CERS6: variants seen among roughly 807,000 people sequenced by gnomAD.
CERS6 encodes ceramide synthase 6, also known as LAG1 homolog, ceramide synthase 6.
A neutral mutation model predicts 56.8 loss-of-function variants in CERS6; 26 were observed. The ratio of observed to expected loss-of-function variants is 0.46; its 90% CI spans 0.34 to 0.63. The LOEUF (loss-of-function observed/expected upper bound fraction) is 0.63. Ranked by LOEUF, CERS6 falls within the 30% of genes least tolerant of loss-of-function variation. The pLI is 0.01. For synonymous variants in CERS6, 164 were observed against 173.3 expected (o/e 0.95, Z 0.42); for missense variants, 415 against 467.5 (o/e 0.89, Z 1.04).
At chr2:168,760,014 G>A (rs540501581) in intron 8 of CERS6, among the ~76,000 whole-genome samples, 7 of 151,728 alleles carry the variant, frequency 4.6e-5, no homozygotes, top group African/African-American at 1.2e-4. Context: ...TATATGGCTC[G>A]ATAAATTTGT....
intron 1 of CERS6, among the ~76,000 whole-genome samples, chr2:168,506,424 C>G (rs914109587): frequency 1.3e-5 from 2 of 152,152 alleles, no homozygotes; most frequent in African/African-American, 4.8e-5. Flanking sequence ...AGATCAGTGT[C>G]CAGGTGTGTC....
chr2:168,492,796 A>C (rs1198582344), intron 1 of CERS6, among the ~76,000 whole-genome samples: 1 of 152,104 alleles, frequency 6.6e-6, no homozygotes, highest in East Asian at 1.9e-4. Context: ...AGGAATATGT[A>C]GTTAAAATTA....
At chr2:168,636,007 A>G (rs1016076663) in intron 4 of CERS6, among the ~76,000 whole-genome samples, 2 of 152,228 alleles carry the variant, frequency 1.3e-5, no homozygotes, top group African/African-American at 4.8e-5. Context: ...ATATGAGTCC[A>G]TTTAAGATTT....
chr2:168,742,658 C>T (rs1683950276), intron 8 of CERS6, among the ~76,000 whole-genome samples: 1 of 152,136 alleles, frequency 6.6e-6, no homozygotes, highest in African/African-American at 2.4e-5. Context: ...ATAAAGAGGC[C>T]AGGCAGAGGG....
chr2:168,645,805 T>C (rs1028574393), intron 4 of CERS6, among the ~76,000 whole-genome samples: 5 of 152,268 alleles, frequency 3.3e-5, no homozygotes, highest in Non-Finnish European at 5.9e-5. Flanking sequence ...GTTTTCTGTT[T>C]CTGTGTTAGT....
At chr2:168,542,666 A>T (rs1279800734) in intron 1 of CERS6, among the ~76,000 whole-genome samples, 1 of 152,152 alleles carries the variant, frequency 6.6e-6, no homozygotes, top group Admixed American at 6.6e-5. Flanking sequence ...TTCATTGAGT[A>T]CAAGGTTCAT....
intron 3 of CERS6, among the ~76,000 whole-genome samples, chr2:168,603,255 A>G (rs1308568935): frequency 6.6e-6 from 1 of 152,162 alleles, no homozygotes; most frequent in African/African-American, 2.4e-5. Flanking sequence ...CTCTCCTTTC[A>G]TATTTGAACA....
At chr2:168,713,898 A>T (rs953467477) in intron 6 of CERS6, among the ~76,000 whole-genome samples, 2 of 152,192 alleles carry the variant, frequency 1.3e-5, no homozygotes, top group Non-Finnish European at 2.9e-5. Flanking sequence ...CGAGATGCAC[A>T]TTCCAAGAAA....
At chr2:168,691,138 T>G in intron 5 of CERS6, 54 bp downstream of exon 5, 5 of 1,542,964 alleles carry the variant, frequency 3.2e-6, no homozygotes, top group Non-Finnish European at 3.6e-6. Flanking sequence ...CTACCTTCGG[T>G]CAATTTCATG....
chr2:168,676,398 C>G (rs1214991559), intron 4 of CERS6, among the ~76,000 whole-genome samples: 1 of 152,122 alleles, frequency 6.6e-6, no homozygotes, highest in Non-Finnish European at 1.5e-5. Context: ...CAAGTGTTTA[C>G]ACATGTCATT....
At chr2:168,634,424 G>T (rs962369815) in intron 4 of CERS6, among the ~76,000 whole-genome samples, 9 of 151,974 alleles carry the variant, frequency 5.9e-5, no homozygotes, top group African/African-American at 2.2e-4. Flanking sequence ...TTGTTTGTTT[G>T]TTTTTTGAGA....
At chr2:168,498,937 G>A (rs1386840353) in intron 1 of CERS6, among the ~76,000 whole-genome samples, 5 of 152,140 alleles carry the variant, frequency 3.3e-5, no homozygotes, top group African/African-American at 9.7e-5. Flanking sequence ...CGTTATGACC[G>A]TGAACTTAGT....
At chr2:168,633,162 C>G (rs1574115511) in intron 4 of CERS6, among the ~76,000 whole-genome samples, 1 of 139,022 alleles carries the variant, frequency 7.2e-6, no homozygotes, top group Non-Finnish European at 1.6e-5. Flanking sequence ...ATAACAAATG[C>G]TTTTTTTTTT....
chr2:168,635,959 A>G (rs750898315), intron 4 of CERS6, among the ~76,000 whole-genome samples: 4 of 152,060 alleles, frequency 2.6e-5, no homozygotes, highest in Non-Finnish European at 4.4e-5. Context: ...TTTTTTGCCT[A>G]TTTTGAGACT....
chr2:168,546,355 C>T lies in CERS6; in HGVS notation c.171-1241C>T, dbSNP rs115376182. On this transcript the variant is annotated intron_variant, in intron 1 of 9. Coordinates refer to ENST00000305747, the MANE Select transcript of CERS6 (RefSeq NM_203463.3). ...GGGAAGGGGTGATTCTTCTTTCTTC[C>T]CAACTTTGTCCCAGAGAGCCCAGTG... Among the ~76,000 whole-genome samples the T allele has an allele frequency of 3.8e-3, 585 of 152,228 alleles. 4 individuals carry two copies. The highest frequency in any genetic ancestry group is 0.012 in the African/African-American group (500 of 41,534).
intron 3 of CERS6, among the ~76,000 whole-genome samples, chr2:168,600,051 G>A (rs1296867726): frequency 6.6e-6 from 1 of 152,070 alleles, no homozygotes; most frequent in Non-Finnish European, 1.5e-5. Context: ...TTTGTAACTT[G>A]CACGCTGAAG....
intron 4 of CERS6, among the ~76,000 whole-genome samples, chr2:168,655,113 T>C (rs567938207): frequency 4.6e-5 from 7 of 152,258 alleles, no homozygotes; most frequent in Admixed American, 1.3e-4. Context: ...GACATAAAAA[T>C]GGCCAACCGA....
chr2:168,732,943 A>T (rs891420544), intron 8 of CERS6, among the ~76,000 whole-genome samples: 29 of 152,164 alleles, frequency 1.9e-4, no homozygotes, highest in Non-Finnish European at 4.0e-4. Flanking sequence ...AAATATATAT[A>T]TATCAAATAG....
At chr2:168,626,769 T>C in intron 3 of CERS6, among the ~76,000 whole-genome samples, 1 of 152,176 alleles carries the variant, frequency 6.6e-6, no homozygotes, top group Admixed American at 6.5e-5. Context: ...CTTTTTCCAA[T>C]ACTGGTCTTA....
Sources: allele counts gnomAD v4.1 joint callset (sites outside exome capture counted in the v4.1 genomes callset), GRCh38; gene constraint gnomAD v4.1.1; transcripts MANE v1.5; gene names NCBI Gene and HGNC (gene_info 2026-07-23, HGNC 2026-07-21).